Variants in SCAF4 observed in about 807,000 individuals in gnomAD.
The protein encoded by SCAF4 is SR-related and CTD-associated factor 4.
In SCAF4, 25 loss-of-function variants were observed where a neutral mutation model predicts 129.8. That is an observed-to-expected ratio of 0.19 (90% confidence interval 0.14 to 0.27). The LOEUF is 0.27. Ranked by LOEUF, SCAF4 falls within the 10% of genes least tolerant of loss-of-function variation. The pLI, the probability that SCAF4 is intolerant of heterozygous loss-of-function variation, is 1.00. For synonymous variants in SCAF4, 551 were observed against 497.7 expected (o/e 1.11, Z -1.43); for missense variants, 1,246 against 1,457.1 (o/e 0.86, Z 2.36).
intron 7 of SCAF4, among the ~76,000 whole-genome samples, chr21:31,699,162 C>T (rs2050458504): frequency 1.3e-5 from 2 of 152,092 alleles, no homozygotes; most frequent in Non-Finnish European, 2.9e-5. Context: ...AGATAAGACA[C>T]AGAAACATAC....
At chr21:31,731,555 C>T in intron 1 of SCAF4, 108 bp downstream of exon 1, 1 of 1,327,092 alleles carries the variant, frequency 7.5e-7, no homozygotes, top group Non-Finnish European at 1.0e-6. Flanking sequence ...GGAACCGGGG[C>T]AGGAAGCGTC....
At chr21:31,691,219 AG>A (rs1273990649) in intron 14 of SCAF4, among the ~76,000 whole-genome samples, 1 of 152,182 alleles carries the variant, frequency 6.6e-6, no homozygotes, top group Non-Finnish European at 1.5e-5. Flanking sequence ...CTTAGAGAAA[AG>A]GAAAAAGTTT....
chr21:31,673,777 G>A (rs2049777054), intron 19 of SCAF4, among the ~76,000 whole-genome samples: 2 of 152,198 alleles, frequency 1.3e-5, no homozygotes, highest in South Asian at 4.1e-4. Flanking sequence ...ATATGCCCAG[G>A]CACAGTCTCT....
intron 1 of SCAF4, among the ~76,000 whole-genome samples, chr21:31,720,958 C>T (rs2051052272): frequency 6.6e-6 from 1 of 152,180 alleles, no homozygotes; most frequent in Non-Finnish European, 1.5e-5. Flanking sequence ...TATGATATAA[C>T]CTGACATTTC....
chr21:31,731,569 A>C (rs1568874830), intron 1 of SCAF4, 94 bp downstream of exon 1: 1 of 1,431,194 alleles, frequency 7.0e-7, no homozygotes, highest in Non-Finnish European at 9.6e-7. Context: ...AAGCGTCCCC[A>C]CCCGGACCAA....
chr21:31,731,993 A>C lies in SCAF4; in HGVS notation c.-301T>G. On this transcript the variant is annotated 5_prime_UTR_variant, in exon 1 of 20. Transcript: ENST00000286835. ...GGCGGCTGCGCTCTGCGTCTCGCTG[A>C]CACGGCCCCCCGCGCCCTCACGCAC... The C allele has an allele frequency of 2.1e-6, 1 of 471,756 alleles. No individual in the cohort carries two copies. Among genetic ancestry groups the C allele is most frequent in the African/African-American group, 2.1e-5 (1 of 48,718 alleles). 29.2% of individuals were successfully genotyped at this position (471,756 alleles called of 1,614,324 possible).
In SCAF4 at chr21:31,672,206, A is replaced by T. The variant is rs2049725359; in HGVS notation, c.2637T>A (p.Arg879=). Residue 879 remains arginine (R), a synonymous_variant, in exon 20 of 20, where the codon CGT becomes CGA. Coordinates refer to ENST00000286835, the MANE Select transcript of SCAF4 (RefSeq NM_020706.2). ...HLQRFPLMPP[R]PMPPHMMHRG... ...TGTGCATCATGTGCGGTGGCATGGG[A>T]CGGGGCGGCATCAAAGGGAACCGCT... The T allele has an allele frequency of 1.9e-6, 3 of 1,608,694 alleles. No homozygotes were observed. Among genetic ancestry groups the T allele is most frequent in the Non-Finnish European group, 2.5e-6 (3 of 1,177,078 alleles).
intron 9 of SCAF4, 90 bp downstream of exon 9, chr21:31,696,023 T>C: frequency 2.6e-6 from 2 of 772,956 alleles, no homozygotes; most frequent in Non-Finnish European, 4.1e-6. Flanking sequence ...ACTTAGCCAA[T>C]TACATAGCTG....
At chr21:31,678,288 T>TA (rs1175663374) in intron 19 of SCAF4, among the ~76,000 whole-genome samples, 1 of 152,174 alleles carries the variant, frequency 6.6e-6, no homozygotes, top group African/African-American at 2.4e-5. Flanking sequence ...GTTGCTCACA[T>TA]AAAAAACGAG....
chr21:31,688,114 CAAAAAAAAAAAAAAAAAAAAAAAA>C (rs61592268), intron 16 of SCAF4, among the ~76,000 whole-genome samples, 169 bp downstream of exon 16: 1 of 10,908 alleles, frequency 9.2e-5, no homozygotes, highest in East Asian at 7.2e-3. Flanking sequence ...GACTCTGTCT[CAAAAAAAAAAAAAAAAAAAAAAAA>C]AAAAAAAGTG....
At chr21:31,708,245 G>A (rs932826495) in intron 1 of SCAF4, among the ~76,000 whole-genome samples, 2 of 151,744 alleles carry the variant, frequency 1.3e-5, no homozygotes, top group South Asian at 2.1e-4. Context: ...AAATGGTGGC[G>A]GGCACCTGTA....
chr21:31,711,729 A>C (rs78275645), intron 1 of SCAF4, among the ~76,000 whole-genome samples: 3,674 of 152,300 alleles, frequency 0.024, 57 homozygotes, highest in Non-Finnish European at 0.036. Flanking sequence ...CAGCTATGTT[A>C]AGTGGGGAAA....
intron 1 of SCAF4, among the ~76,000 whole-genome samples, chr21:31,711,019 TTTC>T (rs2050787758): frequency 6.6e-6 from 1 of 152,206 alleles, no homozygotes; most frequent in Admixed American, 6.5e-5. Context: ...CATCACTTTC[TTTC>T]TTTTTTTAAA....
At chr21:31,700,636 G>C (rs1188240969) in intron 7 of SCAF4, 1 of 283,004 alleles carries the variant, frequency 3.5e-6, no homozygotes, top group Non-Finnish European at 6.8e-6. Context: ...GCATGTATCT[G>C]TAGGAAATTA....
intron 19 of SCAF4, among the ~76,000 whole-genome samples, chr21:31,683,262 T>C (rs1351856061): frequency 1.3e-5 from 2 of 152,208 alleles, no homozygotes; most frequent in African/African-American, 4.8e-5. Flanking sequence ...TGTCAGGTGA[T>C]GATAAACGCT....
chr21:31,678,377 A>G (rs2049913791), intron 19 of SCAF4, among the ~76,000 whole-genome samples: 1 of 151,986 alleles, frequency 6.6e-6, no homozygotes. Flanking sequence ...ATATCTTCAG[A>G]CTCTAACCAC....
intron 1 of SCAF4, among the ~76,000 whole-genome samples, chr21:31,719,094 C>A (rs2051008485): frequency 6.6e-6 from 1 of 152,052 alleles, no homozygotes. Context: ...AGTTTGAGAC[C>A]AGCCTGATCA....
chr21:31,682,731 A>G (rs1207034845), intron 19 of SCAF4, among the ~76,000 whole-genome samples: 1 of 152,226 alleles, frequency 6.6e-6, no homozygotes, highest in Non-Finnish European at 1.5e-5. Context: ...TTAAAAGAAA[A>G]CATTAGAGCA....
At position 31,696,139 on chromosome 21, in the gene SCAF4, T is replaced by C. The variant is rs754693407; in HGVS notation, c.1042A>G (p.Ile348Val). The C allele has an allele frequency of 3.1e-6, 5 of 1,613,400 alleles. No individual in the cohort carries two copies. Among genetic ancestry groups the C allele is most frequent in the Non-Finnish European group, 3.4e-6 (4 of 1,179,362 alleles). The change falls in exon 9 of 20, where the codon ATA (isoleucine) becomes GTA (valine). Residue 348 changes from isoleucine (I) to valine (V), a missense_variant. Transcript: ENST00000286835. ...TGATGGTGCATTGGATCCTGTTGTA[T>C]TCCCATCATTCGTGGCTGAAACTGA... ...MDQFQPRMMG[I>V]QQDPMHHQVP...
Sources: gnomAD v4.1 joint callset for allele counts (sites outside exome capture counted in the v4.1 genomes callset) on GRCh38, gnomAD v4.1.1 for gene constraint, MANE v1.5 for transcripts, NCBI Gene and HGNC (gene_info 2026-07-23, HGNC 2026-07-21) for gene names.